The following WWP1 variants were observed in gnomAD, a reference collection of about 807,000 sequenced individuals.
WWP1 encodes the protein NEDD4-like E3 ubiquitin-protein ligase WWP1.
WWP1 carries 49 observed loss-of-function variants against 130.6 expected under a neutral mutation model. The observed-to-expected ratio is 0.38, with a 90% CI of 0.30 to 0.48. The LOEUF (loss-of-function observed/expected upper bound fraction) is 0.48. Ranked by LOEUF, WWP1 falls within the 20% of genes least tolerant of loss-of-function variation. The pLI is 0.99. For synonymous variants in WWP1, 332 were observed against 367.8 expected (o/e 0.90, Z 1.11); for missense variants, 809 against 1,100.6 (o/e 0.74, Z 3.75).
chr8:86,359,341 A>T (rs973863124), intron 1 of WWP1, among the ~76,000 whole-genome samples: 73 of 152,170 alleles, frequency 4.8e-4, no homozygotes, highest in Non-Finnish European at 8.1e-4. Flanking sequence ...TCTAACCATG[A>T]ACTATTAAAA....
chr8:86,415,697 C>T (rs1808849133), intron 9 of WWP1, among the ~76,000 whole-genome samples: 1 of 152,132 alleles, frequency 6.6e-6, no homozygotes, highest in Admixed American at 6.5e-5. Flanking sequence ...CTAATTTTTT[C>T]TACTATAGAT....
intron 1 of WWP1, among the ~76,000 whole-genome samples, chr8:86,354,582 A>G (rs922939120): frequency 1.3e-5 from 2 of 152,246 alleles, no homozygotes; most frequent in African/African-American, 4.8e-5. Context: ...GCTTAGGAAG[A>G]GTATTTGTAA....
chr8:86,422,528 AT>A (rs949666383), intron 9 of WWP1, among the ~76,000 whole-genome samples: 241 of 146,238 alleles, frequency 1.6e-3, no homozygotes, highest in African/African-American at 4.9e-3. Flanking sequence ...TGGCTGGCTA[AT>A]TTTTTTTTTT....
At chr8:86,431,586 C>T (rs1358133958) in intron 13 of WWP1, 29 bp from the exon 14 acceptor site, 1 of 1,612,708 alleles carries the variant, frequency 6.2e-7, no homozygotes, top group Admixed American at 1.7e-5. Context: ...AGAAAAGGTT[C>T]ATCTTGTGAT....
intron 5 of WWP1, among the ~76,000 whole-genome samples, chr8:86,383,989 G>A (rs1022640367): frequency 3.9e-5 from 6 of 152,044 alleles, no homozygotes; most frequent in Admixed American, 6.5e-5. Context: ...GCTGGAAGTC[G>A]GTGATTAAGA....
Position 86,424,173 on chromosome 8 carries a change from C to T in WWP1, c.1062-1050C>T, listed in dbSNP as rs116358121. Among the ~76,000 whole-genome samples the T allele has an allele frequency of 3.1e-3, 464 of 150,374 alleles. 2 individuals carry two copies. The highest frequency in any genetic ancestry group is 0.011 in the African/African-American group (440 of 40,762). On this transcript the variant is annotated intron_variant, in intron 9 of 24. Coordinates refer to ENST00000517970, the MANE Select transcript of WWP1 (RefSeq NM_007013.4). Reference sequence around the variant, plus strand: ...ACTCCTCACCTCCCAGACTGGGTCACGGCTCGGCAGAGGCGCTCCTCACAT... The same window carrying T: ...ACTCCTCACCTCCCAGACTGGGTCATGGCTCGGCAGAGGCGCTCCTCACAT...
chr8:86,343,510 C>T (rs1822363767), intron 1 of WWP1, among the ~76,000 whole-genome samples: 2 of 137,052 alleles, frequency 1.5e-5, no homozygotes, highest in Admixed American at 1.7e-4. Flanking sequence ...CAGTCCTTAT[C>T]TTGTCTGTGA....
At chr8:86,412,115 C>T (rs1010885667) in intron 9 of WWP1, among the ~76,000 whole-genome samples, 1 of 152,120 alleles carries the variant, frequency 6.6e-6, no homozygotes, top group South Asian at 2.1e-4. Flanking sequence ...TGTTAATTAG[C>T]AAGACCCTCT....
intron 2 of WWP1, among the ~76,000 whole-genome samples, chr8:86,370,808 T>C (rs1472053762): frequency 2.0e-5 from 3 of 151,328 alleles, no homozygotes; most frequent in Non-Finnish European, 4.4e-5. Flanking sequence ...ACTTACTTGT[T>C]CTTTTTCTTA....
rs369655213 is a variant in WWP1, at chr8:86,466,774, T to C, written c.2670-20T>C. 1.4e-6 allele frequency: 2 copies of C among 1,479,850 alleles called. No individual in the cohort carries two copies. The highest frequency in any genetic ancestry group is 1.8e-6 in the Non-Finnish European group (2 of 1,091,424). The allele number at this position is 1,479,850 out of a possible 1,614,324, so 91.7% of individuals were successfully genotyped here. On this transcript the variant is annotated intron_variant, in intron 24 of 24. Coordinates refer to ENST00000517970, the MANE Select transcript of WWP1 (RefSeq NM_007013.4). ...TTCATTTTATTGAAAACATCTGATT[T>C]TGTTTTTGTTTCTGTTCAGTTTTAA...
chr8:86,409,470 G>A (rs1270516078), intron 8 of WWP1, among the ~76,000 whole-genome samples: 4 of 150,022 alleles, frequency 2.7e-5, no homozygotes, highest in Non-Finnish European at 4.5e-5. Context: ...TCCTGACCTC[G>A]TGATCCACCC....
At chr8:86,372,317 C>T (rs572845293) in intron 2 of WWP1, among the ~76,000 whole-genome samples, 47 of 152,230 alleles carry the variant, frequency 3.1e-4, no homozygotes, top group Non-Finnish European at 4.7e-4. Flanking sequence ...CCACCGCGCC[C>T]GGCCTAATTT....
chr8:86,399,659 A>G (rs139562779), intron 7 of WWP1, among the ~76,000 whole-genome samples: 1 of 152,150 alleles, frequency 6.6e-6, no homozygotes, highest in African/African-American at 2.4e-5. Flanking sequence ...CATATAATTT[A>G]AAAAAATTTA....
intron 20 of WWP1, among the ~76,000 whole-genome samples, chr8:86,450,176 C>T (rs67332431): frequency 6.6e-6 from 1 of 151,886 alleles, no homozygotes; most frequent in African/African-American, 2.4e-5. Context: ...AGTGTCTCTG[C>T]TTACCAACTT....
At chr8:86,457,781 C>A in intron 21 of WWP1, 140 bp from the exon 22 acceptor site, 1 of 598,172 alleles carries the variant, frequency 1.7e-6, no homozygotes. Flanking sequence ...GTTATATTTG[C>A]TTATTGTGAT....
chr8:86,427,864 G>A, intron 11 of WWP1, 47 bp downstream of exon 11: 1 of 1,497,446 alleles, frequency 6.7e-7, no homozygotes, highest in Non-Finnish European at 9.0e-7. Context: ...TCCCTCAGGT[G>A]TTTCTTTCTT....
intron 3 of WWP1, among the ~76,000 whole-genome samples, chr8:86,378,165 G>A (rs1824778668): frequency 6.6e-6 from 1 of 151,010 alleles, no homozygotes; most frequent in South Asian, 2.1e-4. Context: ...ATTTTTCTTT[G>A]GCTTTTATTT....
chr8:86,374,924 G>T (rs554707359), intron 3 of WWP1, among the ~76,000 whole-genome samples: 1 of 151,962 alleles, frequency 6.6e-6, no homozygotes, highest in Non-Finnish European at 1.5e-5. Flanking sequence ...TGTTGCCCAC[G>T]CTGGTCTTGA....
At chr8:86,455,744 A>AT (rs1341532680) in intron 21 of WWP1, among the ~76,000 whole-genome samples, 2 of 151,840 alleles carry the variant, frequency 1.3e-5, no homozygotes, top group African/African-American at 4.8e-5. Flanking sequence ...TCTCAGCAGA[A>AT]TTTTTTTTAT....
Sources: allele counts gnomAD v4.1 joint callset (sites outside exome capture counted in the v4.1 genomes callset), GRCh38; gene constraint gnomAD v4.1.1; transcripts MANE v1.5; gene names NCBI Gene and HGNC (gene_info 2026-07-23, HGNC 2026-07-21).